The following FBF1 variants were observed in gnomAD, a reference collection of about 807,000 sequenced individuals.
The protein encoded by FBF1 is fas-binding factor 1.
A neutral mutation model predicts 147.2 loss-of-function variants in FBF1; 119 were observed. The observed-to-expected ratio is 0.81, with a 90% CI of 0.70 to 0.94. The LOEUF (loss-of-function observed/expected upper bound fraction) is 0.94. FBF1 is among the 40% of genes least tolerant of loss of function. The probability of loss-of-function intolerance (pLI) is 0.00; values close to 1 mark genes in which losing one functional copy is unlikely to be tolerated. For missense variants in FBF1, 1,449 were observed against 1,500.8 expected, an observed-to-expected ratio of 0.97 and a Z score of 0.57; for synonymous variants, 601 against 609.0, an observed-to-expected ratio of 0.99 and a Z score of 0.19.
chr17:75,918,805 C>CT lies in FBF1; in HGVS notation c.2139-537dup, dbSNP rs548891338. 4.9e-3 allele frequency among the ~76,000 whole-genome samples: 645 copies of CT among 131,704 alleles called. 2 individuals carry two copies. Among genetic ancestry groups the CT allele is most frequent in the African/African-American group, 8.6e-3 (313 of 36,356 alleles). 86.4% of individuals were successfully genotyped at this position (131,704 alleles called of 152,430 possible). On this transcript the variant is annotated intron_variant, in intron 20 of 29. Coordinates refer to ENST00000636174, the MANE Select transcript of FBF1 (RefSeq NM_001319193.2). This position sits in a 1 kb window ranked among gnomAD's most constrained non-coding sequence, Gnocchi z 5.8. The stretch of plus-strand genomic sequence containing the variant: ...CCACGCCCGGCCCCAAGCAGTCTTT[C>CT]TTTTTTTTTTTTTTTTTCCTAGAGA...
chr17:75,938,267 G>T (rs2065637341), intron 1 of FBF1, 35 bp from the exon 2 acceptor site: 2 of 1,486,254 alleles, frequency 1.3e-6, no homozygotes, highest in South Asian at 1.2e-5. Flanking sequence ...GCTTAAAAAT[G>T]ATGTAGCTTT....
rs1160058759 is a variant in FBF1, at chr17:75,923,577, T to C, written c.1033A>G (p.Met345Val). 4.3e-6 allele frequency: 7 copies of C among 1,610,644 alleles called. No individual in the cohort carries two copies. In the East Asian group the frequency reaches 6.7e-5, roughly 15 times the overall value. ...GEPGSKQSPP[M>V]ASSPIQPRKG... ...CTGGGCTGGATGGGGCTGGAAGCCA[T>C]TGGAGGGCTCTGTTTGGAGCCTGGT... is the stretch of plus-strand genomic sequence containing the variant. The change falls in exon 14 of 30, where the codon ATG (methionine) becomes GTG (valine). Residue 345 changes from methionine to valine, a missense_variant. Coordinates refer to ENST00000636174, the MANE Select transcript of FBF1 (RefSeq NM_001319193.2). The surrounding 1 kb of genome is among the most constrained non-coding windows in gnomAD (Gnocchi z 4.1).
rs1475285862 is a variant in FBF1, at chr17:75,918,990, C to A, written c.2138+678G>T. Among the ~76,000 whole-genome samples, 2 of 152,050 alleles carry A rather than the reference C, an allele frequency of 1.3e-5. No individual in the cohort carries two copies. The highest frequency in any genetic ancestry group is 2.1e-4 in the South Asian group (1 of 4,806). ...GCAGTGGCATCATAGCTCATTGCAG[C>A]CCTGATCTCTTGGGCTGAAGGTATC... On this transcript the variant is annotated intron_variant, in intron 20 of 29. Coordinates refer to ENST00000636174, the MANE Select transcript of FBF1 (RefSeq NM_001319193.2). The surrounding 1 kb of genome is among the most constrained non-coding windows in gnomAD (Gnocchi z 5.8).
intron 23 of FBF1, among the ~76,000 whole-genome samples, chr17:75,915,991 G>A (rs1370876767): frequency 7.6e-6 from 1 of 132,112 alleles, no homozygotes; most frequent in African/African-American, 3.0e-5. Context: ...CTGGGTGACA[G>A]AGCGAGACTC....
At position 75,909,957 on chromosome 17, in the gene FBF1, C is replaced by T; in HGVS notation, c.*766G>A. The T allele has an allele frequency of 1.4e-6, 1 of 696,828 alleles. No homozygotes were observed. Among genetic ancestry groups the T allele is most frequent in the Non-Finnish European group, 2.6e-6 (1 of 381,560 alleles). 43.2% of individuals were successfully genotyped at this position (696,828 alleles called of 1,614,324 possible). On this transcript the variant is annotated 3_prime_UTR_variant, in exon 30 of 30. Coordinates refer to ENST00000636174, the MANE Select transcript of FBF1 (RefSeq NM_001319193.2). ...GGTTCCTTGTCGCCTCCACTGCGTACCCGCTGAGCTGGGCTTTGGGCAGGT... is the reference window on the plus strand; with the variant it reads ...GGTTCCTTGTCGCCTCCACTGCGTATCCGCTGAGCTGGGCTTTGGGCAGGT...
chr17:75,918,369 C>T lies in FBF1; in HGVS notation c.2139-100G>A. ...TGTGTTTCCGTGCAGCCCTTGCTCC[C>T]AGGCCTCTCCTCCGCCGGGCACTGC... On this transcript the variant is annotated intron_variant, in intron 20 of 29. Coordinates refer to ENST00000636174, the MANE Select transcript of FBF1 (RefSeq NM_001319193.2). This position sits in a 1 kb window ranked among gnomAD's most constrained non-coding sequence, Gnocchi z 5.8. 1 of 945,590 alleles carries T rather than the reference C, an allele frequency of 1.1e-6. No homozygotes were observed. Among genetic ancestry groups the T allele is most frequent in the Non-Finnish European group, 1.6e-6 (1 of 634,890 alleles). The allele number at this position is 945,590 out of a possible 1,614,324, so 58.6% of individuals were successfully genotyped here.
At chr17:75,930,118 C>G in intron 6 of FBF1, 71 bp from the exon 7 acceptor site, 1 of 1,261,862 alleles carries the variant, frequency 7.9e-7, no homozygotes. Context: ...AACTCAGGGT[C>G]CTGGCCCCTT....
At chr17:75,913,140 G>A (rs914176944) in intron 28 of FBF1, among the ~76,000 whole-genome samples, 1 of 149,696 alleles carries the variant, frequency 6.7e-6, no homozygotes, top group Admixed American at 6.7e-5. Context: ...GGCGTTGAGG[G>A]TGACTTTTTT....
intron 23 of FBF1, among the ~76,000 whole-genome samples, chr17:75,917,497 G>C (rs926184111): frequency 7.1e-6 from 1 of 141,388 alleles, no homozygotes; most frequent in Non-Finnish European, 1.5e-5. Context: ...AGGGGCTTGC[G>C]GTGCTGAGGA....
intron 29 of FBF1, among the ~76,000 whole-genome samples, chr17:75,911,235 A>T (rs1169712624): frequency 1.3e-5 from 2 of 152,248 alleles, no homozygotes; most frequent in Non-Finnish European, 2.9e-5. Context: ...AGCCGAGGCA[A>T]CATCGTGAGA....
intron 7 of FBF1, 49 bp downstream of exon 7, chr17:75,929,948 C>CA: frequency 4.9e-6 from 2 of 404,070 alleles, no homozygotes; most frequent in South Asian, 1.8e-5. Context: ...TATCATGACC[C>CA]CACCCCACCC....
At position 75,914,771 on chromosome 17, in the gene FBF1, C is replaced by A; in HGVS notation, c.2790G>T (p.Glu930Asp). The A allele has an allele frequency of 6.3e-7, 1 of 1,585,794 alleles. No homozygotes were observed. The highest frequency in any genetic ancestry group is 2.3e-5 in the East Asian group (1 of 43,396). The change falls in exon 25 of 30, where the codon GAG (glutamate) becomes GAT (aspartate). Residue 930 changes from glutamate (E) to aspartate (D), a missense_variant. Physicochemically the swap from Glu to Asp is conservative, Grantham distance 45. Coordinates refer to ENST00000636174, the MANE Select transcript of FBF1 (RefSeq NM_001319193.2). ...ERALQVDTQR[E>D]GTLISLAKEQ... ...CCTTGGCCAGGCTGATGAGGGTGCC[C>A]TCCCGCTGGGTGTCCACCTGCAATG...
Position 75,933,079 on chromosome 17 carries a change from G to A in FBF1, c.83C>T (p.Pro28Leu). Residue 28 changes from proline to leucine, a missense_variant, in exon 5 of 30, where the codon CCT (proline) becomes CTT (leucine). Coordinates refer to ENST00000636174, the MANE Select transcript of FBF1 (RefSeq NM_001319193.2). ...GDLLGDDMTL[P>L]EKPVKLASHT... ...TGAAGCTAGTTTAACAGGCTTCTCA[G>A]GTAGTGTCACTGGAAAAAAAGAAAA... The A allele has an allele frequency of 6.2e-7, 1 of 1,601,250 alleles. No individual in the cohort carries two copies. The highest frequency in any genetic ancestry group is 8.5e-7 in the Non-Finnish European group (1 of 1,169,676).
intron 9 of FBF1, 78 bp downstream of exon 9, chr17:75,927,377 C>T (rs905965488): frequency 7.7e-7 from 1 of 1,296,154 alleles, no homozygotes; most frequent in African/African-American, 1.5e-5. Context: ...GCAGCTGGGC[C>T]TCGGGCCAGC....
rs2065448915 is a variant in FBF1, at chr17:75,910,136, G to C, written c.*587C>G. ...TCCTTCGGGCAATGCTGGGAATAGG[G>C]TGGGGGCTCTGGGCAAGCCCAGGAG... On this transcript the variant is annotated 3_prime_UTR_variant, in exon 30 of 30. Coordinates refer to ENST00000636174, the MANE Select transcript of FBF1 (RefSeq NM_001319193.2). The surrounding 1 kb of genome is among the most constrained non-coding windows in gnomAD (Gnocchi z 4.1). The C allele has an allele frequency of 8.6e-6, 4 of 466,636 alleles. No homozygotes were observed. Among genetic ancestry groups the C allele is most frequent in the Admixed American group, 2.6e-5 (1 of 38,676 alleles). The allele number at this position is 466,636 out of a possible 1,614,324, so 28.9% of individuals were successfully genotyped here.
Position 75,925,435 on chromosome 17 carries a change from T to C in FBF1, c.880A>G (p.Met294Val). 2 of 1,613,386 alleles carry C rather than the reference T, an allele frequency of 1.2e-6. No homozygotes were observed. Among genetic ancestry groups the C allele is most frequent in the South Asian group, 1.1e-5 (1 of 90,986 alleles). Residue 294 changes from methionine to valine, a missense_variant, in exon 13 of 30, where the codon ATG becomes GTG. Met to Val is a conservative substitution (Grantham distance 21). Coordinates refer to ENST00000636174, the MANE Select transcript of FBF1 (RefSeq NM_001319193.2). The surrounding 1 kb of genome is among the most constrained non-coding windows in gnomAD (Gnocchi z 5.0). ...AAGGTGAAGTCCTCGTCACCCCACATATCTTCACTGTCTGTGAATTAAGGA... is the reference window on the plus strand; with the variant it reads ...AAGGTGAAGTCCTCGTCACCCCACACATCTTCACTGTCTGTGAATTAAGGA... ...KYQRPQDSED[M>V]WGDEDFTFGA...
At chr17:75,930,853 G>A (rs2065590074) in intron 6 of FBF1, among the ~76,000 whole-genome samples, 1 of 151,990 alleles carries the variant, frequency 6.6e-6, no homozygotes, top group Non-Finnish European at 1.5e-5. Flanking sequence ...ACCAGGAGGC[G>A]GAGATTGCAG....
At position 75,914,837 on chromosome 17, in the gene FBF1, T is replaced by C. The variant is rs2065478261; in HGVS notation, c.2724A>G (p.Gln908=). The C allele has an allele frequency of 6.2e-7, 1 of 1,608,220 alleles. No homozygotes were observed. The highest frequency in any genetic ancestry group is 1.7e-5 in the Admixed American group (1 of 59,442). Residue 908 remains glutamine, a synonymous_variant, in exon 25 of 30, where the codon CAA becomes CAG. Coordinates refer to ENST00000636174, the MANE Select transcript of FBF1 (RefSeq NM_001319193.2). ...AAEWAEFSAQ[Q]KLSKERAERE... ...GCTCGGCCCGCTCCTTACTCAGCTT[T>C]TGCTGCGCGGAGAACTCCGCCCACT...
rs1480454995 is a variant in FBF1, at chr17:75,928,739, T to C, written c.280-546A>G. On this transcript the variant is annotated intron_variant, in intron 7 of 29. Transcript: ENST00000636174. The surrounding 1 kb of genome is among the most constrained non-coding windows in gnomAD (Gnocchi z 4.2). ...AGGAGAATCGCTTGAACCTGGGAGG[T>C]GGAGGTTGCAGTGAGCCGAGATCAT... Among the ~76,000 whole-genome samples, 1 of 151,342 alleles carries C rather than the reference T, an allele frequency of 6.6e-6. No homozygotes were observed. Among genetic ancestry groups the C allele is most frequent in the Non-Finnish European group, 1.5e-5 (1 of 67,864 alleles).
Sources: allele counts gnomAD v4.1 joint callset (sites outside exome capture counted in the v4.1 genomes callset), GRCh38; gene constraint gnomAD v4.1.1; non-coding constraint Gnocchi (gnomAD v3.1); transcripts MANE v1.5; gene names NCBI Gene and HGNC (gene_info 2026-07-23, HGNC 2026-07-21).